VPS50: variants seen among roughly 807,000 people sequenced by gnomAD.
The protein encoded by VPS50 is VPS50 subunit of EARP/GARPII complex.
In VPS50, 70 loss-of-function variants were observed where a neutral mutation model predicts 139.7. The observed-to-expected ratio is 0.50, with a 90% CI of 0.41 to 0.61. The LOEUF is 0.61. VPS50 is among the 20% of genes least tolerant of loss of function. VPS50 has a pLI of 0.00. For synonymous variants in VPS50, 365 were observed against 376.7 expected (o/e 0.97, Z 0.36); for missense variants, 921 against 1,133.7 (o/e 0.81, Z 2.69).
intron 22 of VPS50, among the ~76,000 whole-genome samples, chr7:93,338,657 T>C (rs1343696534): frequency 1.3e-5 from 2 of 152,178 alleles, no homozygotes; most frequent in Non-Finnish European, 2.9e-5. Flanking sequence ...AACAGTGTTT[T>C]AGGCTAGAGT....
In VPS50 at chr7:93,358,507, T is replaced by A. The variant is rs539893135; in HGVS notation, c.*71T>A. On this transcript the variant is annotated 3_prime_UTR_variant, in exon 28 of 28. Coordinates refer to ENST00000305866, the MANE Select transcript of VPS50 (RefSeq NM_017667.4). ...TATATGACCTGAAAGCCAGTTTTTT[T>A]ATGCACTTCTGACAACTATCTGCTA... 528 of 1,298,148 alleles carry A rather than the reference T, an allele frequency of 4.1e-4. 2 individuals are homozygous for A. The African/African-American group carries it at 4.1e-3, about 10-fold the overall frequency. 80.4% of individuals were successfully genotyped at this position (1,298,148 alleles called of 1,614,324 possible).
At chr7:93,356,984 T>G (rs1478869476) in intron 27 of VPS50, among the ~76,000 whole-genome samples, 2 of 152,148 alleles carry the variant, frequency 1.3e-5, no homozygotes, top group Middle Eastern at 3.2e-3. Flanking sequence ...CTTACTCAGT[T>G]TCGGATCTTT....
chr7:93,302,091 C>T (rs1796992679), intron 16 of VPS50, among the ~76,000 whole-genome samples: 1 of 152,064 alleles, frequency 6.6e-6, no homozygotes, highest in African/African-American at 2.4e-5. Flanking sequence ...AAGCTTTTGT[C>T]CATTTTGAAT....
At chr7:93,261,677 C>CAA (rs71107890) in intron 9 of VPS50, among the ~76,000 whole-genome samples, 11,172 of 61,126 alleles carry the variant, frequency 0.18, 962 homozygotes, top group Non-Finnish European at 0.24. Context: ...GACTCCGTCT[C>CAA]AAAAAAAAAA....
chr7:93,272,240 G>A (rs183319083), intron 10 of VPS50, among the ~76,000 whole-genome samples: 4 of 151,704 alleles, frequency 2.6e-5, no homozygotes, highest in African/African-American at 4.8e-5. Flanking sequence ...ATTCCTTTTC[G>A]TTGATTAGAG....
intron 11 of VPS50, chr7:93,275,952 A>G (rs1584416477): frequency 1.9e-6 from 1 of 514,762 alleles, no homozygotes; most frequent in Non-Finnish European, 3.4e-6. Context: ...CACGAGTCAC[A>G]TTTATTTTGA....
rs1186110017 is a variant in VPS50, at chr7:93,234,461, A to G, written c.33+1961A>G. Among the ~76,000 whole-genome samples the G allele has an allele frequency of 2.6e-5, 4 of 152,378 alleles. No individual in the cohort carries two copies. The South Asian group carries it at 8.3e-4, about 32-fold the overall frequency. On this transcript the variant is annotated intron_variant, in intron 1 of 27. Transcript: ENST00000305866. ...AACCATACTGTGTACAAAGTGAGGTAAAATTAGGAGTTTTGCATACATATT... is the reference window on the plus strand; with the variant it reads ...AACCATACTGTGTACAAAGTGAGGTGAAATTAGGAGTTTTGCATACATATT...
chr7:93,295,079 T>G (rs1481982640), intron 14 of VPS50, among the ~76,000 whole-genome samples: 1 of 152,208 alleles, frequency 6.6e-6, no homozygotes, highest in East Asian at 1.9e-4. Context: ...CAGTCAATGA[T>G]CTTTGTACCT....
At chr7:93,351,180 A>G (rs1257209023) in intron 25 of VPS50, among the ~76,000 whole-genome samples, 1 of 152,106 alleles carries the variant, frequency 6.6e-6, no homozygotes, top group Non-Finnish European at 1.5e-5. Context: ...GTTTCCATAG[A>G]GATCTTAGCG....
intron 4 of VPS50, among the ~76,000 whole-genome samples, chr7:93,255,024 A>T (rs1441512705): frequency 6.6e-6 from 1 of 152,132 alleles, no homozygotes; most frequent in Non-Finnish European, 1.5e-5. Flanking sequence ...GCTCTAGAGC[A>T]GTGGTTGCCA....
intron 4 of VPS50, among the ~76,000 whole-genome samples, chr7:93,256,159 G>A (rs1795476746): frequency 6.6e-6 from 1 of 152,072 alleles, no homozygotes; most frequent in Admixed American, 6.6e-5. Flanking sequence ...TTAAAAATCT[G>A]CTTAACAATT....
intron 12 of VPS50, among the ~76,000 whole-genome samples, chr7:93,284,708 A>G (rs776325930): frequency 3.9e-5 from 6 of 152,340 alleles, no homozygotes; most frequent in Middle Eastern, 3.4e-3. Flanking sequence ...CATAGCTTTT[A>G]AAGCTTCAGA....
chr7:93,262,977 C>T (rs1795730515), intron 9 of VPS50, among the ~76,000 whole-genome samples: 1 of 152,176 alleles, frequency 6.6e-6, no homozygotes, highest in Non-Finnish European at 1.5e-5. Flanking sequence ...AGATAAAAGA[C>T]ATTGTTATTC....
At chr7:93,256,677 C>G in intron 5 of VPS50, 115 bp downstream of exon 5, 1 of 602,632 alleles carries the variant, frequency 1.7e-6, no homozygotes, top group South Asian at 2.1e-5. Flanking sequence ...AGCATATTGA[C>G]TGTTTTTGGG....
chr7:93,320,673 C>G (rs1797587510), intron 20 of VPS50: 1 of 152,170 alleles, frequency 6.6e-6, no homozygotes, highest in African/African-American at 2.4e-5. Flanking sequence ...CTTATCATTT[C>G]TTTTAGAGAG....
At chr7:93,268,289 G>T (rs948939987) in intron 9 of VPS50, among the ~76,000 whole-genome samples, 3 of 152,074 alleles carry the variant, frequency 2.0e-5, no homozygotes, top group African/African-American at 7.2e-5. Flanking sequence ...GATTAAAATA[G>T]GTGTGTTACA....
intron 5 of VPS50, 89 bp from the exon 6 acceptor site, chr7:93,257,305 T>G (rs1795515850): frequency 1.4e-6 from 1 of 720,136 alleles, no homozygotes; most frequent in African/African-American, 1.9e-5. Context: ...TTTCTTTGCA[T>G]CTGACTAGAG....
chr7:93,298,199 C>G (rs541739710), intron 16 of VPS50, among the ~76,000 whole-genome samples: 1 of 152,228 alleles, frequency 6.6e-6, no homozygotes, highest in East Asian at 1.9e-4. Flanking sequence ...TTGAACTATA[C>G]TAAAGCAGAG....
chr7:93,328,544 A>G (rs1227483535), intron 21 of VPS50, among the ~76,000 whole-genome samples: 1 of 152,220 alleles, frequency 6.6e-6, no homozygotes, highest in Non-Finnish European at 1.5e-5. Context: ...ATACTATAGA[A>G]AAGGCAACTA....
Sources: allele counts gnomAD v4.1 joint callset (sites outside exome capture counted in the v4.1 genomes callset), GRCh38; gene constraint gnomAD v4.1.1; transcripts MANE v1.5; gene names NCBI Gene and HGNC (gene_info 2026-07-23, HGNC 2026-07-21).